NAPEPLD: variants seen among roughly 807,000 people sequenced by gnomAD.
The protein encoded by NAPEPLD is N-acyl-phosphatidylethanolamine-hydrolyzing phospholipase D.
A neutral mutation model predicts 38.1 loss-of-function variants in NAPEPLD; 23 were observed. The ratio of observed to expected loss-of-function variants is 0.60; its 90% confidence interval spans 0.43 to 0.86. The LOEUF is 0.86. NAPEPLD is among the 40% of genes least tolerant of loss of function. The probability of loss-of-function intolerance (pLI) is 0.00; values close to 1 mark genes in which losing one functional copy is unlikely to be tolerated. For missense variants in NAPEPLD, 411 were observed against 476.8 expected (o/e 0.86, Z 1.28); for synonymous variants, 147 against 162.0 (o/e 0.91, Z 0.71).
intron 1 of NAPEPLD, among the ~76,000 whole-genome samples, chr7:103,140,432 G>A (rs1244099768): frequency 8.5e-6 from 1 of 117,058 alleles, no homozygotes; most frequent in Non-Finnish European, 1.6e-5. Context: ...TTGCTCAGTC[G>A]CCCAGGCTGG....
chr7:103,112,615 C>G (rs1266294122), intron 4 of NAPEPLD, among the ~76,000 whole-genome samples: 2 of 151,678 alleles, frequency 1.3e-5, no homozygotes, highest in African/African-American at 2.4e-5. Context: ...GGGTGGGGGG[C>G]TACGGGAGGG....
In NAPEPLD at chr7:103,120,233, T is replaced by C. The variant is rs1412518407; in HGVS notation, c.295-10A>G. ...GTTCTTTGTCTAGTTCCTTTGTGTA[T>C]AAAGAAAGCAAGACAAAAGAGTAGT... On this transcript the variant is annotated splice_polypyrimidine_tract_variant and intron_variant, in intron 2 of 4. Transcript: ENST00000465647. 6.3e-7 allele frequency: 1 copy of C among 1,599,046 alleles called. No individual in the cohort carries two copies. The highest frequency in any genetic ancestry group is 1.1e-5 in the South Asian group (1 of 89,062).
intron 1 of NAPEPLD, among the ~76,000 whole-genome samples, chr7:103,138,883 T>A (rs1563369931): frequency 6.6e-6 from 1 of 152,208 alleles, no homozygotes; most frequent in Non-Finnish European, 1.5e-5. Flanking sequence ...ATTCTAACAA[T>A]CTTCGGCTGC....
rs776558668 is a variant in NAPEPLD, at chr7:103,120,051, G to A, written c.467C>T (p.Pro156Leu). The A allele has an allele frequency of 2.5e-6, 4 of 1,614,152 alleles. No homozygotes were observed. Among genetic ancestry groups the A allele is most frequent in the East Asian group, 2.2e-5 (1 of 44,878 alleles). The stretch of plus-strand genomic sequence containing the variant: ...TCGCTTTGGACCCATGTACTGCGAT[G>A]GTGAAGCACGAGAGCTAAAGATGGG... ...TDPIFSSRAS[P>L]SQYMGPKRFR... Residue 156 changes from proline (P) to leucine (L), a missense_variant, in exon 3 of 5, where the codon CCA becomes CTA. By Grantham distance (98) the Pro-to-Leu change is moderately conservative. Coordinates refer to ENST00000465647, the MANE Select transcript of NAPEPLD (RefSeq NM_001122838.3).
chr7:103,133,234 C>A (rs1809348501), intron 1 of NAPEPLD, among the ~76,000 whole-genome samples: 1 of 152,128 alleles, frequency 6.6e-6, no homozygotes, highest in African/African-American at 2.4e-5. Flanking sequence ...TTCAGGGCGA[C>A]CAACTGCCAC....
At chr7:103,125,826 G>A (rs1807642333) in intron 2 of NAPEPLD, among the ~76,000 whole-genome samples, 3 of 151,928 alleles carry the variant, frequency 2.0e-5, no homozygotes, top group Non-Finnish European at 2.9e-5. Context: ...GGCAGAGGTT[G>A]CAGTGAGCCA....
chr7:103,108,901 C>A (rs1454407366), intron 4 of NAPEPLD, among the ~76,000 whole-genome samples: 2 of 151,984 alleles, frequency 1.3e-5, no homozygotes, highest in South Asian at 2.1e-4. Context: ...GGAATACTTA[C>A]CAAGCAAATG....
intron 4 of NAPEPLD, among the ~76,000 whole-genome samples, chr7:103,104,674 C>A (rs991650858): frequency 3.9e-5 from 6 of 152,186 alleles, no homozygotes; most frequent in Admixed American, 3.3e-4. Context: ...TAGAGCTAAC[C>A]CCTTAGTAAT....
chr7:103,136,191 C>T (rs192173892), intron 1 of NAPEPLD, among the ~76,000 whole-genome samples: 204 of 151,632 alleles, frequency 1.3e-3, no homozygotes, highest in African/African-American at 4.5e-3. Context: ...CACTTAAACC[C>T]AGGCGGTGGA....
chr7:103,119,959 G>A lies in NAPEPLD; in HGVS notation c.559C>T (p.His187Tyr). ...PIDAVLISHN[H>Y]YDHLDYNSVI... ...GAATTGTAGTCCAGATGGTCATAGT[G>A]GTTGTGACTGATAAGGACCGCATCT... Residue 187 changes from histidine to tyrosine, a missense_variant, in exon 3 of 5, where the codon CAC (histidine) becomes TAC (tyrosine). His to Tyr is a moderately conservative substitution (Grantham distance 83). Transcript: ENST00000465647. The A allele has an allele frequency of 6.2e-7, 1 of 1,614,200 alleles. No individual in the cohort carries two copies. Among genetic ancestry groups the A allele is most frequent in the African/African-American group, 1.3e-5 (1 of 75,028 alleles).
At position 103,119,930 on chromosome 7, in the gene NAPEPLD, G is replaced by T; in HGVS notation, c.588C>A (p.Val196=). 1 of 1,614,220 alleles carries T rather than the reference G, an allele frequency of 6.2e-7. No homozygotes were observed. The highest frequency in any genetic ancestry group is 8.5e-7 in the Non-Finnish European group (1 of 1,180,040). The stretch of plus-strand genomic sequence containing the variant: ...TACCAAATCGCTCATTCAAAGCAAT[G>T]ACAGAATTGTAGTCCAGATGGTCAT... ...NHYDHLDYNS[V]IALNERFGNE... is the part of the protein sequence containing the mutation. The change falls in exon 3 of 5, where the codon GTC becomes GTA. Residue 196 remains valine, a synonymous_variant. Coordinates refer to ENST00000465647, the MANE Select transcript of NAPEPLD (RefSeq NM_001122838.3).
intron 4 of NAPEPLD, among the ~76,000 whole-genome samples, chr7:103,108,192 G>T (rs959507913): frequency 6.7e-6 from 1 of 149,164 alleles, no homozygotes; most frequent in African/African-American, 2.6e-5. Flanking sequence ...ACCCAGGTTG[G>T]AGTGCAGTGG....
At chr7:103,141,655 C>A in intron 1 of NAPEPLD, 1 of 911,116 alleles carries the variant, frequency 1.1e-6, no homozygotes. Context: ...TTCTCCTCAT[C>A]CACGTGACCT....
At chr7:103,108,558 A>G (rs1803881378) in intron 4 of NAPEPLD, among the ~76,000 whole-genome samples, 1 of 152,242 alleles carries the variant, frequency 6.6e-6, no homozygotes, top group Admixed American at 6.5e-5. Context: ...TTTTGTCACC[A>G]CCAGGCCTGC....
At chr7:103,104,402 G>T (rs1204948987) in intron 4 of NAPEPLD, among the ~76,000 whole-genome samples, 1 of 152,124 alleles carries the variant, frequency 6.6e-6, no homozygotes, top group Non-Finnish European at 1.5e-5. Flanking sequence ...TGACTTCTAC[G>T]GCACGCACTG....
At chr7:103,142,161 T>C (rs752960228) in intron 1 of NAPEPLD, among the ~76,000 whole-genome samples, 2 of 152,216 alleles carry the variant, frequency 1.3e-5, no homozygotes, top group Non-Finnish European at 2.9e-5. Flanking sequence ...TCAAAGGGAT[T>C]TTCTGGTATG....
chr7:103,145,563 C>G (rs760081938), intron 1 of NAPEPLD, among the ~76,000 whole-genome samples: 10 of 152,204 alleles, frequency 6.6e-5, no homozygotes, highest in Non-Finnish European at 1.0e-4. Flanking sequence ...CCTGTGACAG[C>G]AGAAATTAAA....
intron 1 of NAPEPLD, chr7:103,129,433 G>A (rs6944809): frequency 0.99 from 423,633 of 426,272 alleles, 210,549 homozygotes; most frequent in Middle Eastern, 1. Context: ...TAAATCTATA[G>A]TATTTTCATA....
intron 2 of NAPEPLD, among the ~76,000 whole-genome samples, chr7:103,124,977 T>C (rs946736752): frequency 1.3e-5 from 2 of 152,302 alleles, no homozygotes; most frequent in South Asian, 4.1e-4. Flanking sequence ...CTTAACATAC[T>C]TACAATTTTA....
Sources: gnomAD v4.1 joint callset for allele counts (sites outside exome capture counted in the v4.1 genomes callset) on GRCh38, gnomAD v4.1.1 for gene constraint, MANE v1.5 for transcripts, NCBI Gene and HGNC (gene_info 2026-07-23, HGNC 2026-07-21) for gene names.